TXNRD1: variants seen among roughly 807,000 people sequenced by gnomAD.
TXNRD1 encodes the protein thioredoxin reductase 1, also known as thioredoxin reductase 1, cytoplasmic.
TXNRD1 carries 57 observed loss-of-function variants against 80.3 expected under a neutral mutation model. That is an observed-to-expected ratio of 0.71 (90% CI 0.57 to 0.89). The LOEUF is 0.89. Among genes scored for constraint, TXNRD1 ranks in the 40% least tolerant of loss-of-function variants. The pLI is 0.00. For synonymous variants in TXNRD1, 291 were observed against 285.2 expected, an observed-to-expected ratio of 1.02 and a Z score of -0.20; for missense variants, 730 against 803.0, an observed-to-expected ratio of 0.91 and a Z score of 1.10.
chr12:104,330,970 G>A (rs975735432), intron 13 of TXNRD1, among the ~76,000 whole-genome samples: 1 of 151,862 alleles, frequency 6.6e-6, no homozygotes, highest in East Asian at 1.9e-4. Flanking sequence ...AGCCTTTTCT[G>A]TATATCAAAC....
At chr12:104,218,062 T>C (rs2032260614) in intron 1 of TXNRD1, among the ~76,000 whole-genome samples, 1 of 151,702 alleles carries the variant, frequency 6.6e-6, no homozygotes, top group Admixed American at 6.6e-5. Context: ...GGAGTCTTGC[T>C]CTATCGCCAG....
At chr12:104,250,999 G>T (rs996728325) in intron 1 of TXNRD1, among the ~76,000 whole-genome samples, 6 of 152,164 alleles carry the variant, frequency 3.9e-5, no homozygotes, top group African/African-American at 9.7e-5. Context: ...AAAATAATTC[G>T]CAGTAAGTAT....
At chr12:104,219,782 A>AT (rs35300104) in intron 1 of TXNRD1, among the ~76,000 whole-genome samples, 184 of 146,826 alleles carry the variant, frequency 1.3e-3, no homozygotes, top group East Asian at 2.8e-3. Flanking sequence ...GCAAAAGGCA[A>AT]TTTTTTTTTT....
chr12:104,324,413 G>A (rs1408703021), intron 10 of TXNRD1, among the ~76,000 whole-genome samples: 1 of 142,534 alleles, frequency 7.0e-6, no homozygotes, highest in Non-Finnish European at 1.5e-5. Flanking sequence ...GTGCAGTGGC[G>A]TGATCTTGGC....
At chr12:104,305,704 T>G (rs1286321912) in intron 4 of TXNRD1, among the ~76,000 whole-genome samples, 1 of 152,256 alleles carries the variant, frequency 6.6e-6, no homozygotes, top group East Asian at 1.9e-4. Context: ...ATTAATATCC[T>G]GAGAAGATGT....
intron 3 of TXNRD1, among the ~76,000 whole-genome samples, chr12:104,281,774 T>C (rs1045336693): frequency 2.0e-5 from 3 of 152,118 alleles, no homozygotes; most frequent in African/African-American, 7.2e-5. Context: ...TATTTTATCA[T>C]ACAACAATCA....
intron 4 of TXNRD1, among the ~76,000 whole-genome samples, chr12:104,295,817 C>T (rs932974134): frequency 2.0e-5 from 3 of 152,170 alleles, no homozygotes; most frequent in Non-Finnish European, 4.4e-5. Context: ...GCTTACATAT[C>T]GAGGTCAGAG....
chr12:104,317,690 G>T (rs1763420602), intron 7 of TXNRD1, among the ~76,000 whole-genome samples: 1 of 152,190 alleles, frequency 6.6e-6, no homozygotes, highest in Non-Finnish European at 1.5e-5. Context: ...AGAATAATTA[G>T]TCGGGCCTGG....
chr12:104,242,896 T>A (rs1315458711), intron 1 of TXNRD1, among the ~76,000 whole-genome samples: 1 of 152,214 alleles, frequency 6.6e-6, no homozygotes, highest in African/African-American at 2.4e-5. Context: ...AAATGTGTAT[T>A]CTCAGGCTCA....
At chr12:104,282,020 G>A (rs190711631) in intron 3 of TXNRD1, among the ~76,000 whole-genome samples, 4 of 152,290 alleles carry the variant, frequency 2.6e-5, no homozygotes, top group African/African-American at 9.6e-5. Flanking sequence ...ATAAAAATGT[G>A]AGACAAGTCT....
At chr12:104,321,630 T>C (rs2035533962) in intron 10 of TXNRD1, among the ~76,000 whole-genome samples, 1 of 152,188 alleles carries the variant, frequency 6.6e-6, no homozygotes, top group African/African-American at 2.4e-5. Flanking sequence ...TGTTTCTTCA[T>C]ATGTACCAGA....
chr12:104,334,137 G>C, intron 14 of TXNRD1, 100 bp from the exon 15 acceptor site: 1 of 460,050 alleles, frequency 2.2e-6, no homozygotes, highest in Admixed American at 4.4e-5. Flanking sequence ...TTTAATGAAA[G>C]TCTACTTATT....
intron 4 of TXNRD1, chr12:104,305,021 C>T: frequency 7.4e-7 from 1 of 1,349,070 alleles, no homozygotes; most frequent in South Asian, 1.6e-5. Flanking sequence ...CATATTGTAT[C>T]TCTTGTAAAG....
At chr12:104,278,189 CTTTTTTTTTTTTTTTTTT>C (rs202175579) in intron 3 of TXNRD1, among the ~76,000 whole-genome samples, 1 of 98,292 alleles carries the variant, frequency 1.0e-5, no homozygotes, top group Non-Finnish European at 2.0e-5. Context: ...TGATCAAATT[CTTTTTTTTTTTTTTTTTT>C]TTTTTTTTTT....
At chr12:104,281,319 C>T (rs1336393308) in intron 3 of TXNRD1, among the ~76,000 whole-genome samples, 2 of 151,996 alleles carry the variant, frequency 1.3e-5, no homozygotes, top group African/African-American at 4.8e-5. Context: ...ATTTTTTAAC[C>T]TCACTAATCA....
chr12:104,228,245 T>C (rs2032521889), intron 1 of TXNRD1, among the ~76,000 whole-genome samples: 1 of 143,618 alleles, frequency 7.0e-6, no homozygotes, highest in East Asian at 2.0e-4. Context: ...GAGGTTGCAG[T>C]GAGCCGAGAT....
chr12:104,331,818 C>CTG (rs35676546), intron 14 of TXNRD1, among the ~76,000 whole-genome samples, 177 bp downstream of exon 14: 34,273 of 150,360 alleles, frequency 0.23, 3,976 homozygotes, highest in Middle Eastern at 0.29. Context: ...GTCTCTCATT[C>CTG]TGTGTGTGTG....
intron 16 of TXNRD1, chr12:104,339,493 G>A (rs2036252385): frequency 1.4e-6 from 1 of 712,542 alleles, no homozygotes; most frequent in Non-Finnish European, 2.6e-6. Context: ...AATTATGAGA[G>A]TGATTTATAG....
chr12:104,217,265 A>C (rs2032235845), intron 1 of TXNRD1, among the ~76,000 whole-genome samples: 1 of 150,952 alleles, frequency 6.6e-6, no homozygotes, highest in South Asian at 2.1e-4. Flanking sequence ...TTCTTTAGCT[A>C]CATTCTTTTT....
Sources: allele counts gnomAD v4.1 joint callset (sites outside exome capture counted in the v4.1 genomes callset), GRCh38; gene constraint gnomAD v4.1.1; transcripts MANE v1.5; gene names NCBI Gene and HGNC (gene_info 2026-07-23, HGNC 2026-07-21).